SCARB1: variants seen among roughly 807,000 people sequenced by gnomAD.
SCARB1 encodes the protein CD36 and LIMPII analogous 1.
In SCARB1, 30 loss-of-function variants were observed where a neutral mutation model predicts 57.2. The ratio of observed to expected loss-of-function variants is 0.52; its 90% CI spans 0.39 to 0.71. The LOEUF is 0.71. Among genes scored for constraint, SCARB1 ranks in the 30% least tolerant of loss-of-function variants. The probability of loss-of-function intolerance (pLI) is 0.00; values close to 1 mark genes in which losing one functional copy is unlikely to be tolerated. For synonymous variants in SCARB1, 249 were observed against 268.3 expected (o/e 0.93, Z 0.70); for missense variants, 543 against 671.2 (o/e 0.81, Z 2.11).
intron 9 of SCARB1, among the ~76,000 whole-genome samples, chr12:124,791,885 C>T (rs1029503137): frequency 3.3e-5 from 5 of 151,390 alleles, no homozygotes; most frequent in African/African-American, 7.3e-5. Flanking sequence ...GAACCCGAGG[C>T]GGAGGTTGCA....
intron 1 of SCARB1, among the ~76,000 whole-genome samples, chr12:124,856,740 C>T (rs1224752098): frequency 6.6e-6 from 1 of 152,056 alleles, no homozygotes; most frequent in African/African-American, 2.4e-5. Flanking sequence ...CACTGGGCCT[C>T]CCCCCCAGGT....
intron 11 of SCARB1, chr12:124,784,458 T>TC (rs1308968399): frequency 6.6e-6 from 1 of 152,136 alleles, no homozygotes; most frequent in Non-Finnish European, 1.5e-5. Flanking sequence ...GGAAACCTTT[T>TC]CCCCCCGAGG....
rs7301120 is a variant in SCARB1 at position 124,789,196 on chromosome 12, G to A, written c.1203-1739C>T. Among the ~76,000 whole-genome samples the A allele has an allele frequency of 0.051, 7,830 of 152,164 alleles. 345 individuals are homozygous for A. The highest frequency in any genetic ancestry group is 0.12 in the African/African-American group (5,069 of 41,486). On this transcript the variant is annotated intron_variant, in intron 9 of 12. Transcript: ENST00000261693. The surrounding 1 kb of genome is among the most constrained non-coding windows in gnomAD (Gnocchi z 4.4). The stretch of plus-strand genomic sequence containing the variant: ...ATCAACAGTGATACAGTATGTTGAC[G>A]GAATGTACCCAAGATGCTCTGAAAC...
intron 1 of SCARB1, among the ~76,000 whole-genome samples, chr12:124,834,236 G>C (rs921957890): frequency 1.3e-5 from 2 of 152,234 alleles, no homozygotes; most frequent in Non-Finnish European, 2.9e-5. Flanking sequence ...CGGGACACAC[G>C]GGGGGACAGG....
At chr12:124,831,428 A>C (rs1270194461) in intron 1 of SCARB1, among the ~76,000 whole-genome samples, 1 of 152,124 alleles carries the variant, frequency 6.6e-6, no homozygotes, top group African/African-American at 2.4e-5. Flanking sequence ...AAAGCAAAAA[A>C]TTATTGATCC....
intron 1 of SCARB1, among the ~76,000 whole-genome samples, chr12:124,829,701 A>G (rs1433202445): frequency 1.3e-5 from 2 of 152,206 alleles, no homozygotes; most frequent in African/African-American, 4.8e-5. Context: ...TCTCAAGTCT[A>G]AAGTCACTTT....
intron 6 of SCARB1, among the ~76,000 whole-genome samples, chr12:124,809,727 A>AG (rs550309419): frequency 8.7e-4 from 133 of 152,246 alleles, no homozygotes; most frequent in African/African-American, 3.1e-3. Context: ...CCTCCAGAAA[A>AG]GGGCTGTAGG....
chr12:124,780,321 C>A (rs1873195921), intron 12 of SCARB1, among the ~76,000 whole-genome samples: 2 of 152,234 alleles, frequency 1.3e-5, no homozygotes, highest in African/African-American at 2.4e-5. Flanking sequence ...TGCCCTACAG[C>A]AGGCCTCATC....
intron 1 of SCARB1, chr12:124,821,683 T>C (rs1305496094): frequency 2.9e-6 from 1 of 342,484 alleles, no homozygotes; most frequent in Non-Finnish European, 4.1e-6. Flanking sequence ...CCTCATGGGC[T>C]GCTGTGAGGT....
intron 1 of SCARB1, among the ~76,000 whole-genome samples, chr12:124,848,432 G>T (rs528172448): frequency 6.6e-6 from 1 of 152,240 alleles, no homozygotes; most frequent in East Asian, 1.9e-4. Flanking sequence ...TATTGGGGCC[G>T]TAAGGGAATC....
At chr12:124,824,039 T>C (rs544760682) in intron 1 of SCARB1, among the ~76,000 whole-genome samples, 1 of 151,232 alleles carries the variant, frequency 6.6e-6, no homozygotes, top group East Asian at 1.9e-4. Context: ...CTGGGCATGG[T>C]GGCAGCCAAC....
rs998822167 is a variant in SCARB1 at position 124,810,431 on chromosome 12, C to T, written c.727-142G>A. The T allele has an allele frequency of 1.5e-6, 1 of 677,524 alleles. No homozygotes were observed. The highest frequency in any genetic ancestry group is 2.7e-6 in the Non-Finnish European group (1 of 370,906). The allele number at this position is 677,524 out of a possible 1,614,324, so 42.0% of individuals were successfully genotyped here. A position where few individuals can be genotyped will look rare whatever the true frequency, so the allele number is the denominator to read the frequency against. ...ACTGGCACGGTGGGAAGAGGGCAGGCTATGTAGACACACAGAGAGAATGCC... is the reference window on the plus strand; with the variant it reads ...ACTGGCACGGTGGGAAGAGGGCAGGTTATGTAGACACACAGAGAGAATGCC... On this transcript the variant is annotated intron_variant, in intron 5 of 12. Transcript: ENST00000261693. The surrounding 1 kb of genome is among the most constrained non-coding windows in gnomAD (Gnocchi z 4.0).
chr12:124,801,678 G>T (rs1950134853), intron 7 of SCARB1, among the ~76,000 whole-genome samples: 1 of 152,014 alleles, frequency 6.6e-6, no homozygotes, highest in East Asian at 1.9e-4. Context: ...TACTCGGGAG[G>T]CTGAGGCAGG....
At chr12:124,833,148 G>A (rs1215574395) in intron 1 of SCARB1, among the ~76,000 whole-genome samples, 2 of 149,690 alleles carry the variant, frequency 1.3e-5, no homozygotes, top group East Asian at 2.0e-4. Flanking sequence ...AAGCATTGTG[G>A]CCCCTGGGAC....
intron 1 of SCARB1, among the ~76,000 whole-genome samples, chr12:124,855,213 C>T (rs1327459383): frequency 2.0e-5 from 3 of 152,214 alleles, no homozygotes; most frequent in Non-Finnish European, 4.4e-5. Context: ...AGGCCCCTCC[C>T]GTTCCTTCCC....
intron 1 of SCARB1, among the ~76,000 whole-genome samples, chr12:124,824,136 G>A (rs10846742): frequency 0.72 from 106,998 of 148,474 alleles, 40,142 homozygotes; most frequent in Non-Finnish European, 0.84. Flanking sequence ...AGATCGCGCC[G>A]CTGCACTCCA....
In SCARB1 at chr12:124,800,902, G is replaced by C. The variant is rs1018698687; in HGVS notation, c.1010-660C>G. Among the ~76,000 whole-genome samples, 1 of 152,264 alleles carries C rather than the reference G, an allele frequency of 6.6e-6. No individual in the cohort carries two copies. Among genetic ancestry groups the C allele is most frequent in the South Asian group, 2.1e-4 (1 of 4,816 alleles). On this transcript the variant is annotated intron_variant, in intron 7 of 12. Coordinates refer to ENST00000261693, the MANE Select transcript of SCARB1 (RefSeq NM_005505.5). This position sits in a 1 kb window ranked among gnomAD's most constrained non-coding sequence, Gnocchi z 4.8. Reference sequence around the variant, plus strand: ...GACAAGTTAACAAGGAACAGCGAGCGGGCCTCTCTCAAAAGCTCACGAGGG... The same window carrying C: ...GACAAGTTAACAAGGAACAGCGAGCCGGCCTCTCTCAAAAGCTCACGAGGG...
In SCARB1 at chr12:124,804,236, T is replaced by C. The variant is rs74493413; in HGVS notation, c.1009+3525A>G. On this transcript the variant is annotated intron_variant, in intron 7 of 12. Transcript: ENST00000261693. ...CAATTAGAGCAAACCCTGGAACTTC[T>C]GCTGGAGTGAAGGAAACACAGGTGG... Among the ~76,000 whole-genome samples the C allele has an allele frequency of 7.5e-3, 1,147 of 152,348 alleles. 18 individuals carry two copies. Among genetic ancestry groups the C allele is most frequent in the African/African-American group, 0.026 (1,092 of 41,578 alleles).
Position 124,814,835 on chromosome 12 carries a change from G to T in SCARB1, c.426+138C>A. On this transcript the variant is annotated intron_variant, in intron 3 of 12. Coordinates refer to ENST00000261693, the MANE Select transcript of SCARB1 (RefSeq NM_005505.5). The surrounding 1 kb of genome is among the most constrained non-coding windows in gnomAD (Gnocchi z 4.7). ...CTGGGGGTGGTGGAGACAGCACAGG[G>T]CCGAAAGCCACCCACCAGGCGTGAG... is the stretch of plus-strand genomic sequence containing the variant. 1.8e-6 allele frequency: 2 copies of T among 1,101,548 alleles called. No individual in the cohort carries two copies. The highest frequency in any genetic ancestry group is 2.7e-6 in the Non-Finnish European group (2 of 748,070). The allele number at this position is 1,101,548 out of a possible 1,614,324, so 68.2% of individuals were successfully genotyped here. A position where few individuals can be genotyped will look rare whatever the true frequency, so the allele number is the denominator to read the frequency against.
Sources: gnomAD v4.1 joint callset for allele counts (sites outside exome capture counted in the v4.1 genomes callset) on GRCh38, gnomAD v4.1.1 for gene constraint, Gnocchi (gnomAD v3.1) non-coding constraint, MANE v1.5 for transcripts, NCBI Gene and HGNC (gene_info 2026-07-23, HGNC 2026-07-21) for gene names.